KCNJ4: variants seen among roughly 807,000 people sequenced by gnomAD.
KCNJ4 encodes inward rectifier potassium channel 4.
Under a neutral mutation model 25.6 loss-of-function variants are expected in KCNJ4, and 3 were observed. The observed-to-expected ratio is 0.12, with a 90% CI of 0.05 to 0.30. KCNJ4 has a LOEUF of 0.30. Among genes scored for constraint, KCNJ4 ranks in the 10% least tolerant of loss-of-function variants. The pLI is 1.00. For missense variants in KCNJ4, 286 were observed against 666.8 expected (o/e 0.43, Z 6.29); for synonymous variants, 257 against 283.9 (o/e 0.91, Z 0.95).
At chr22:38,450,557 CCAGCCCTCTCT>C (rs1203776421) in intron 1 of KCNJ4, among the ~76,000 whole-genome samples, 1 of 152,178 alleles carries the variant, frequency 6.6e-6, no homozygotes, top group South Asian at 2.1e-4. Flanking sequence ...TAGCTTGGAG[CCAGCCCTCTCT>C]CAGCCCTCTG....
rs1157057251 is a variant in KCNJ4, at chr22:38,427,245, G to A, written c.888C>T (p.Ala296=). 1.2e-5 allele frequency: 19 copies of A among 1,613,602 alleles called. No homozygotes were observed. The highest frequency in any genetic ancestry group is 1.5e-5 in the Non-Finnish European group (18 of 1,180,008). ...IVVILEGMVE[A]TAMTTQARSS... ...TGCGGGCCTGGGTGGTCATGGCCGTGGCCTCCACCATGCCCTCCAGGATGA... is the reference window on the plus strand; with the variant it reads ...TGCGGGCCTGGGTGGTCATGGCCGTAGCCTCCACCATGCCCTCCAGGATGA... Residue 296 remains alanine (A), a synonymous_variant, in exon 2 of 2, where the codon GCC becomes GCT. Transcript: ENST00000303592.
At chr22:38,438,711 G>C (rs980596843) in intron 1 of KCNJ4, among the ~76,000 whole-genome samples, 1 of 151,142 alleles carries the variant, frequency 6.6e-6, no homozygotes, top group African/African-American at 2.4e-5. Context: ...AAAAAAGAAA[G>C]AAAGAAAGAA....
intron 1 of KCNJ4, among the ~76,000 whole-genome samples, chr22:38,438,097 G>A (rs1187177342): frequency 6.6e-6 from 1 of 152,070 alleles, no homozygotes; most frequent in East Asian, 1.9e-4. Flanking sequence ...AAATTAGCCA[G>A]GTGTGGTGGC....
Position 38,428,151 on chromosome 22 carries a change from T to C in KCNJ4, c.-19A>G. Reference sequence around the variant, plus strand: ...CGTGCATGTCCTGAAGCCGGCGTGGTCACCTGGGAAGACGCAGGGCCTGCG... The same window carrying C: ...CGTGCATGTCCTGAAGCCGGCGTGGCCACCTGGGAAGACGCAGGGCCTGCG... On this transcript the variant is annotated 5_prime_UTR_variant, in exon 2 of 2. Transcript: ENST00000303592. 6.3e-7 allele frequency: 1 copy of C among 1,596,582 alleles called. No homozygotes were observed. Among genetic ancestry groups the C allele is most frequent in the Non-Finnish European group, 8.5e-7 (1 of 1,169,804 alleles).
intron 1 of KCNJ4, among the ~76,000 whole-genome samples, chr22:38,432,043 C>G (rs969475386): frequency 4.0e-5 from 6 of 151,490 alleles, no homozygotes; most frequent in Non-Finnish European, 5.9e-5. Context: ...ATCACAAGGT[C>G]AGGAGTTCAA....
rs751082117 is a variant in KCNJ4 at position 38,426,849 on chromosome 22, C to T, written c.1284G>A (p.Met428Ile). Residue 428 changes from methionine (M) to isoleucine (I), a missense_variant, in exon 2 of 2, where the codon ATG becomes ATA. By Grantham distance (10) the Met-to-Ile change is conservative (BLOSUM62 1). Around this residue, in one of 11 missense-constraint regions of KCNJ4, gnomAD observed 77 missense variants for 97.6 expected, o/e 0.79. Transcript: ENST00000303592. ...TGTTGTCCAGCGGGAGGGAAGCCTG[C>T]ATGCGCTCCAGGTCCAGGTGGCTGC... The part of the protein sequence containing the change: ...EFGSHLDLER[M>I]QASLPLDNIS... 6.2e-7 allele frequency: 1 copy of T among 1,613,530 alleles called. No individual in the cohort carries two copies.
intron 1 of KCNJ4, among the ~76,000 whole-genome samples, chr22:38,433,934 C>T (rs2093057914): frequency 6.6e-6 from 1 of 152,234 alleles, no homozygotes; most frequent in Admixed American, 6.5e-5. Context: ...TCCTTGCCCA[C>T]AACTCCCTTT....
intron 1 of KCNJ4, among the ~76,000 whole-genome samples, chr22:38,441,029 A>G (rs1258952040): frequency 6.6e-6 from 1 of 152,152 alleles, no homozygotes; most frequent in East Asian, 1.9e-4. Flanking sequence ...GGCCAAGGGC[A>G]TGGAAAAGGA....
chr22:38,432,079 G>A (rs2093051533), intron 1 of KCNJ4, among the ~76,000 whole-genome samples: 1 of 151,520 alleles, frequency 6.6e-6, no homozygotes, highest in Non-Finnish European at 1.5e-5. Flanking sequence ...CTTGGTGAAA[G>A]CCTGTCTCTA....
intron 1 of KCNJ4, among the ~76,000 whole-genome samples, chr22:38,438,277 G>A (rs969559556): frequency 4.7e-5 from 7 of 150,028 alleles, no homozygotes; most frequent in Admixed American, 1.3e-4. Context: ...TGTGGTGGCT[G>A]TAATCCCAGC....
intron 1 of KCNJ4, among the ~76,000 whole-genome samples, chr22:38,436,215 G>A (rs764668255): frequency 6.6e-6 from 1 of 152,182 alleles, no homozygotes; most frequent in African/African-American, 2.4e-5. Context: ...TGCACACCAC[G>A]TGCCCAGCCC....
At chr22:38,439,293 A>G (rs1357385751) in intron 1 of KCNJ4, among the ~76,000 whole-genome samples, 1 of 151,930 alleles carries the variant, frequency 6.6e-6, no homozygotes, top group Non-Finnish European at 1.5e-5. Context: ...CTAGCCGGGC[A>G]TGGTGGTGGG....
chr22:38,448,894 C>G (rs1355993751), intron 1 of KCNJ4, among the ~76,000 whole-genome samples: 1 of 152,210 alleles, frequency 6.6e-6, no homozygotes, highest in Non-Finnish European at 1.5e-5. Context: ...CATGCCCCAG[C>G]TCCCCTCTGC....
chr22:38,454,137 A>C (rs2145951858), intron 1 of KCNJ4, among the ~76,000 whole-genome samples: 1 of 151,972 alleles, frequency 6.6e-6, no homozygotes, highest in Admixed American at 6.5e-5. Flanking sequence ...CTTCCCCCAA[A>C]CCTGCTGCTG....
intron 1 of KCNJ4, among the ~76,000 whole-genome samples, chr22:38,446,820 G>A (rs1345157168): frequency 2.0e-5 from 3 of 152,082 alleles, no homozygotes; most frequent in Admixed American, 6.6e-5. Flanking sequence ...ACCGAGCATG[G>A]TGGTGCGCAC....
chr22:38,440,160 A>G (rs542726859), intron 1 of KCNJ4, among the ~76,000 whole-genome samples: 1 of 152,278 alleles, frequency 6.6e-6, no homozygotes, highest in South Asian at 2.1e-4. Flanking sequence ...CTGTAATTCC[A>G]ACACTTTGGG....
intron 1 of KCNJ4, among the ~76,000 whole-genome samples, chr22:38,442,670 C>G (rs1225781796): frequency 6.6e-6 from 1 of 152,086 alleles, no homozygotes; most frequent in African/African-American, 2.4e-5. Context: ...AGGAATAACA[C>G]CCAGTGAACA....
rs780639877 is a variant in KCNJ4, at chr22:38,427,614, G to A, written c.519C>T (p.Ala173=). The A allele has an allele frequency of 1.9e-6, 3 of 1,613,170 alleles. No individual in the cohort carries two copies. The highest frequency in any genetic ancestry group is 2.2e-5 in the East Asian group (1 of 44,868). The change falls in exon 2 of 2, where the codon GCC becomes GCT. Residue 173 remains alanine, a synonymous_variant. Transcript: ENST00000303592. ...IDSFMIGTIM[A]KMARPKKRAQ... is the part of the protein sequence containing the mutation. The stretch of plus-strand genomic sequence containing the variant: ...CCCGCTTCTTGGGCCGCGCCATCTT[G>A]GCCATGATGGTGCCAATCATGAAGG...
chr22:38,426,581 G>A lies in KCNJ4; in HGVS notation c.*214C>T, dbSNP rs577400811. 24 of 575,188 alleles carry A rather than the reference G, an allele frequency of 4.2e-5. No homozygotes were observed. Among genetic ancestry groups the A allele is most frequent in the Middle Eastern group, 4.7e-4 (1 of 2,140 alleles). The allele number at this position is 575,188 out of a possible 1,614,324, so 35.6% of individuals were successfully genotyped here. A position where few individuals can be genotyped will look rare whatever the true frequency, so the allele number is the denominator to read the frequency against. On this transcript the variant is annotated 3_prime_UTR_variant, in exon 2 of 2. Transcript: ENST00000303592. The stretch of plus-strand genomic sequence containing the variant: ...GGACCTAGAGCCACCAGAAGTAGGC[G>A]CTGGCGGAACTCAGGCTGATCGGGG...
Sources: allele counts gnomAD v4.1 joint callset (sites outside exome capture counted in the v4.1 genomes callset), GRCh38; gene constraint gnomAD v4.1.1; regional missense constraint gnomAD v4.1.1; transcripts MANE v1.5; gene names NCBI Gene and HGNC (gene_info 2026-07-23, HGNC 2026-07-21).